The following TRIM5 variants were observed in gnomAD, a reference collection of about 807,000 sequenced individuals.
TRIM5 encodes the protein tripartite motif containing 5, also known as tripartite motif-containing protein 5.
A neutral mutation model predicts 35.6 loss-of-function variants in TRIM5; 31 were observed. The ratio of observed to expected loss-of-function variants is 0.87; its 90% CI spans 0.65 to 1.18. TRIM5 has a LOEUF of 1.18. Ranked by LOEUF, TRIM5 falls within the 50% of genes most tolerant of loss-of-function variation. TRIM5 has a pLI of 0.00. For missense variants in TRIM5, 609 were observed against 591.6 expected, an observed-to-expected ratio of 1.03 and a Z score of -0.31; for synonymous variants, 243 against 215.6, an observed-to-expected ratio of 1.13 and a Z score of -1.11.
At chr11:5,659,188 C>G (rs1460123114), downstream of TRIM5, among the ~76,000 whole-genome samples, 1 of 152,042 alleles carries the variant, frequency 6.6e-6, no homozygotes, top group Non-Finnish European at 1.5e-5. Flanking sequence ...CCGCGGGGCC[C>G]ACAGGAGCTG....
the TRIM5 span, among the ~76,000 whole-genome samples, chr11:5,613,396 A>G: frequency 6.6e-6 from 1 of 152,200 alleles, no homozygotes; most frequent in Non-Finnish European, 1.5e-5. Flanking sequence ...TGGTGAGATA[A>G]AGTAGTGCAG....
At chr11:5,634,858 G>A in the TRIM5 span, 2 of 1,611,992 alleles carry the variant, frequency 1.2e-6, no homozygotes, top group Non-Finnish European at 1.7e-6. Flanking sequence ...TGGAGCTGCT[G>A]CAGGTAAGAA....
intron 4 of TRIM5, chr11:5,677,962 A>G (rs144907532): frequency 4.2e-5 from 16 of 384,894 alleles, no homozygotes; most frequent in African/African-American, 8.2e-5. Context: ...ATCAAACATG[A>G]CTAGAGCTAA....
chr11:5,610,648 G>T, the TRIM5 span: 1 of 1,572,546 alleles, frequency 6.4e-7, no homozygotes, highest in Non-Finnish European at 8.6e-7. Flanking sequence ...CAGATCCTAG[G>T]TGTTGATGCC....
the TRIM5 span, among the ~76,000 whole-genome samples, chr11:5,648,740 T>G: frequency 2.0e-5 from 3 of 152,234 alleles, no homozygotes; most frequent in Admixed American, 6.5e-5. Context: ...TTTTGGTATC[T>G]GCAGATGGGA....
chr11:5,632,384 G>A, the TRIM5 span: 1 of 1,614,086 alleles, frequency 6.2e-7, no homozygotes, highest in Non-Finnish European at 8.5e-7. Context: ...TGTCCCATCT[G>A]CCTGGAGCTG....
At chr11:5,669,183 G>A (rs1415881246) in intron 4 of TRIM5, among the ~76,000 whole-genome samples, 2 of 150,812 alleles carry the variant, frequency 1.3e-5, no homozygotes, top group Non-Finnish European at 2.9e-5. Flanking sequence ...GGGTTCAAGC[G>A]ATTCTCCTGC....
chr11:5,650,540 G>C, the TRIM5 span, among the ~76,000 whole-genome samples: 5 of 152,270 alleles, frequency 3.3e-5, no homozygotes, highest in East Asian at 9.7e-4. Flanking sequence ...TTTTCCATGA[G>C]GACATACCTG....
At chr11:5,661,792 C>G (rs972668223), downstream of TRIM5, among the ~76,000 whole-genome samples, 10 of 152,140 alleles carry the variant, frequency 6.6e-5, no homozygotes, top group Non-Finnish European at 1.5e-4. Flanking sequence ...GCTTCATATT[C>G]TTTTCAGCTG....
chr11:5,656,879 C>T, the TRIM5 span, among the ~76,000 whole-genome samples: 10 of 152,096 alleles, frequency 6.6e-5, no homozygotes, highest in East Asian at 1.9e-4. Context: ...TAAATTGGTT[C>T]GACCATTGTG....
the TRIM5 span, among the ~76,000 whole-genome samples, chr11:5,656,353 C>T: frequency 9.7e-6 from 1 of 102,602 alleles, no homozygotes; most frequent in East Asian, 2.5e-4. Flanking sequence ...TATGAACAGA[C>T]ACTTTTTTTT....
the TRIM5 span, among the ~76,000 whole-genome samples, chr11:5,604,016 G>C: frequency 1.4e-4 from 22 of 152,142 alleles, no homozygotes; most frequent in African/African-American, 5.1e-4. Context: ...TTTATTTTGA[G>C]AAGGCGTCTC....
At position 5,679,945 on chromosome 11, in the gene TRIM5, T is replaced by C. The variant is rs1257974834; in HGVS notation, c.233A>G (p.Glu78Gly). The C allele has an allele frequency of 5.0e-6, 8 of 1,613,996 alleles. No individual in the cohort carries two copies. The highest frequency in any genetic ancestry group is 4.0e-5 in the African/African-American group (3 of 74,918). Residue 78 changes from glutamate (E) to glycine (G), a missense_variant, in exon 2 of 8, where the codon GAG (glutamate) becomes GGG (glycine). Glu to Gly is a moderately conservative substitution (Grantham distance 98). Coordinates refer to ENST00000380034, the MANE Select transcript of TRIM5 (RefSeq NM_033034.3). The stretch of plus-strand genomic sequence containing the variant: ...GCTCAACTTGACCTCCCTGAGCTTC[T>C]CCACTATGTTGGCTACATGCCGATT... Reference protein sequence around the residue: ...RPNRHVANIVEKLREVKLSPE... With the variant: ...RPNRHVANIVGKLREVKLSPE...
chr11:5,679,611 C>A, intron 2 of TRIM5, 150 bp downstream of exon 2: 1 of 822,702 alleles, frequency 1.2e-6, no homozygotes. Flanking sequence ...AAAAACCATC[C>A]TTAAAGCCTC....
the TRIM5 span, among the ~76,000 whole-genome samples, chr11:5,619,541 A>C: frequency 7.5e-6 from 1 of 133,696 alleles, no homozygotes; most frequent in Admixed American, 7.7e-5. Context: ...GGTAAATTCC[A>C]AGCAAGTGGG....
At chr11:5,610,747 C>T in the TRIM5 span, 13 of 1,607,382 alleles carry the variant, frequency 8.1e-6, no homozygotes, top group Admixed American at 1.7e-5. Flanking sequence ...TCCCCGTTCT[C>T]ATCTGCTGAT....
downstream of TRIM5, among the ~76,000 whole-genome samples, chr11:5,658,776 C>T (rs189006658): frequency 1.3e-4 from 20 of 152,222 alleles, no homozygotes; most frequent in Non-Finnish European, 2.2e-4. Context: ...GTAATGGGAT[C>T]GCTGGGTCAA....
At chr11:5,639,888 G>C in the TRIM5 span, among the ~76,000 whole-genome samples, 2 of 151,898 alleles carry the variant, frequency 1.3e-5, no homozygotes, top group African/African-American at 4.8e-5. Flanking sequence ...CATAGATTTT[G>C]GCACAGGTAT....
downstream of TRIM5, among the ~76,000 whole-genome samples, chr11:5,661,966 C>T (rs1214270315): frequency 6.6e-6 from 1 of 152,168 alleles, no homozygotes; most frequent in Non-Finnish European, 1.5e-5. Flanking sequence ...GCATTAATGT[C>T]CCTGGAGAGT....
Sources: gnomAD v4.1 joint callset for allele counts (sites outside exome capture counted in the v4.1 genomes callset) on GRCh38, gnomAD v4.1.1 for gene constraint, MANE v1.5 for transcripts, NCBI Gene and HGNC (gene_info 2026-07-23, HGNC 2026-07-21) for gene names.